Variants in CALN1 observed in about 807,000 individuals in gnomAD.
CALN1 encodes calcium-binding protein 8.
A neutral mutation model predicts 30.6 loss-of-function variants in CALN1; 17 were observed. That is an observed-to-expected ratio of 0.56 (90% CI 0.38 to 0.83). CALN1 has a LOEUF of 0.83. CALN1 is among the 40% of genes least tolerant of loss of function. The pLI, the probability that CALN1 is intolerant of heterozygous loss-of-function variation, is 0.00. For synonymous variants in CALN1, 156 were observed against 131.4 expected (o/e 1.19, Z -1.28); for missense variants, 291 against 354.9 (o/e 0.82, Z 1.45).
At chr7:72,425,088 G>T (rs1807753517) in intron 1 of CALN1, among the ~76,000 whole-genome samples, 2 of 152,258 alleles carry the variant, frequency 1.3e-5, no homozygotes, top group African/African-American at 2.4e-5. Flanking sequence ...GGACCTCAGA[G>T]AGGGGTAGGG....
At chr7:71,794,157 A>G (rs1337299314) in intron 6 of CALN1, among the ~76,000 whole-genome samples, 1 of 152,138 alleles carries the variant, frequency 6.6e-6, no homozygotes, top group Non-Finnish European at 1.5e-5. Context: ...GTGAAGTTCA[A>G]GGTCATTTGG....
intron 5 of CALN1, among the ~76,000 whole-genome samples, chr7:71,819,106 C>T (rs924728031): frequency 1.3e-5 from 2 of 152,170 alleles, no homozygotes; most frequent in East Asian, 1.9e-4. Flanking sequence ...CCTACCACTT[C>T]AGCCTCCTGA....
intron 4 of CALN1, among the ~76,000 whole-genome samples, chr7:72,037,872 G>A (rs190787779): frequency 1.8e-4 from 27 of 152,280 alleles, no homozygotes; most frequent in African/African-American, 4.1e-4. Flanking sequence ...ACTTTCTAGC[G>A]TTCCTTGTAG....
chr7:72,317,432 C>T (rs1800561999), intron 2 of CALN1, among the ~76,000 whole-genome samples: 1 of 152,214 alleles, frequency 6.6e-6, no homozygotes, highest in Non-Finnish European at 1.5e-5. Context: ...AACATTTCTA[C>T]AATGAAGGCT....
At chr7:72,252,815 C>T (rs564519988) in intron 3 of CALN1, among the ~76,000 whole-genome samples, 3 of 152,144 alleles carry the variant, frequency 2.0e-5, no homozygotes, top group East Asian at 3.9e-4. Context: ...TATACTATGC[C>T]TGCTGCCACA....
chr7:72,010,657 C>G (rs1166848252), intron 5 of CALN1, among the ~76,000 whole-genome samples: 6 of 151,224 alleles, frequency 4.0e-5, no homozygotes, highest in African/African-American at 1.5e-4. Flanking sequence ...ACTAAAAATA[C>G]AAAAATTAGC....
chr7:72,391,845 C>T (rs1317164373), intron 2 of CALN1, among the ~76,000 whole-genome samples: 7 of 152,122 alleles, frequency 4.6e-5, no homozygotes, highest in African/African-American at 1.4e-4. Context: ...GTATAAATTA[C>T]CCAGTCTCAG....
chr7:72,218,224 G>A (rs187626794), intron 3 of CALN1, among the ~76,000 whole-genome samples: 40 of 151,756 alleles, frequency 2.6e-4, no homozygotes, highest in Admixed American at 2.6e-4. Context: ...CGAGGCAGGC[G>A]GATCACCAGG....
At chr7:71,943,577 A>G (rs896022703) in intron 5 of CALN1, among the ~76,000 whole-genome samples, 3 of 151,064 alleles carry the variant, frequency 2.0e-5, no homozygotes, top group Admixed American at 1.3e-4. Flanking sequence ...AGTAGCTGAG[A>G]CTACAGGCAT....
intron 2 of CALN1, among the ~76,000 whole-genome samples, chr7:72,338,523 G>GTGTGTGTGTGTGTGTC (rs1802222372): frequency 6.8e-6 from 1 of 146,200 alleles, no homozygotes; most frequent in Non-Finnish European, 1.5e-5. Context: ...GTGTGTGTGT[G>GTGTGTGTGTGTGTGTC]TGTGTCTCAC....
intron 3 of CALN1, among the ~76,000 whole-genome samples, chr7:72,157,718 T>C (rs2129544618): frequency 6.6e-6 from 1 of 152,216 alleles, no homozygotes; most frequent in Admixed American, 6.5e-5. Context: ...AGGAAAACCA[T>C]TTGAAAGTTA....
At chr7:72,348,934 G>T (rs1252183145) in intron 2 of CALN1, among the ~76,000 whole-genome samples, 2 of 152,136 alleles carry the variant, frequency 1.3e-5, no homozygotes, top group Non-Finnish European at 2.9e-5. Flanking sequence ...AATGGCAATG[G>T]AATCTGCAGA....
chr7:72,216,782 T>C (rs1792846943), intron 3 of CALN1, among the ~76,000 whole-genome samples: 1 of 152,168 alleles, frequency 6.6e-6, no homozygotes, highest in Non-Finnish European at 1.5e-5. Context: ...GACAGGGTCT[T>C]GCTCTGTCAC....
At chr7:72,048,146 TC>T (rs1171613999) in intron 4 of CALN1, among the ~76,000 whole-genome samples, 2 of 151,626 alleles carry the variant, frequency 1.3e-5, no homozygotes, top group Non-Finnish European at 2.9e-5. Flanking sequence ...TTCAAGCGAT[TC>T]CCCTGCCTCA....
rs1422642581 is a variant in CALN1 at position 72,054,536 on chromosome 7, TATATATAC to T, written c.389-30775_389-30768del. On this transcript the variant is annotated intron_variant, in intron 4 of 6. Transcript: ENST00000395275. ...ATATATATACATATATACATACATA[TATATATAC>T]ATATATATATATATATAATGGAATA... is the stretch of plus-strand genomic sequence containing the variant. Among the ~76,000 whole-genome samples, 175 of 123,882 alleles carry T rather than the reference TATATATAC, an allele frequency of 1.4e-3. 6 individuals are homozygous for T. The highest frequency in any genetic ancestry group is 5.3e-3 in the African/African-American group (163 of 30,656). 81.3% of individuals were successfully genotyped at this position (123,882 alleles called of 152,430 possible).
chr7:72,343,619 C>G (rs578189946), intron 2 of CALN1, among the ~76,000 whole-genome samples: 5 of 151,990 alleles, frequency 3.3e-5, no homozygotes, highest in African/African-American at 7.2e-5. Flanking sequence ...AGGGTGATTT[C>G]CAAGTGGAAA....
At chr7:72,240,533 A>C (rs1260284804) in intron 3 of CALN1, among the ~76,000 whole-genome samples, 1 of 152,172 alleles carries the variant, frequency 6.6e-6, no homozygotes, top group East Asian at 1.9e-4. Flanking sequence ...GTGTCTAACA[A>C]ACACAGATCA....
intron 6 of CALN1, among the ~76,000 whole-genome samples, chr7:71,791,417 G>A (rs1341890849): frequency 2.6e-5 from 4 of 152,114 alleles, no homozygotes; most frequent in Admixed American, 2.6e-4. Context: ...TAATGGTGCT[G>A]GAGGCCATGA....
At chr7:72,239,834 T>A (rs1184731613) in intron 3 of CALN1, among the ~76,000 whole-genome samples, 1 of 152,146 alleles carries the variant, frequency 6.6e-6, no homozygotes, top group African/African-American at 2.4e-5. Context: ...CGACTGTGCA[T>A]TCCCTTACTA....
Sources: allele counts gnomAD v4.1 joint callset (sites outside exome capture counted in the v4.1 genomes callset), GRCh38; gene constraint gnomAD v4.1.1; transcripts MANE v1.5; gene names NCBI Gene and HGNC (gene_info 2026-07-23, HGNC 2026-07-21).